OPCML: variants seen among roughly 807,000 people sequenced by gnomAD.
OPCML encodes opioid binding protein/cell adhesion molecule like.
OPCML carries 13 observed loss-of-function variants against 37.8 expected under a neutral mutation model. The observed-to-expected ratio is 0.34, with a 90% CI of 0.22 to 0.55. The LOEUF (loss-of-function observed/expected upper bound fraction) is 0.55, where lower values mean the gene tolerates loss of function less well. Among genes scored for constraint, OPCML ranks in the 20% least tolerant of loss-of-function variants. OPCML has a pLI of 0.91. For missense variants in OPCML, 341 were observed against 435.6 expected, an observed-to-expected ratio of 0.78 and a Z score of 1.93; for synonymous variants, 176 against 168.8, an observed-to-expected ratio of 1.04 and a Z score of -0.33.
intron 1 of OPCML, among the ~76,000 whole-genome samples, chr11:133,314,183 C>A (rs951959061): frequency 1.2e-4 from 16 of 128,302 alleles, no homozygotes; most frequent in African/African-American, 4.6e-4. Context: ...TGCAGTGAGC[C>A]GAGATCGCGC....
At chr11:132,945,830 T>C (rs1473586528) in intron 1 of OPCML, among the ~76,000 whole-genome samples, 3 of 152,240 alleles carry the variant, frequency 2.0e-5, no homozygotes, top group Non-Finnish European at 4.4e-5. Flanking sequence ...TCACCCAGGC[T>C]GGAGTGCAGT....
chr11:133,331,389 T>A (rs1456325189), intron 1 of OPCML, among the ~76,000 whole-genome samples: 3 of 152,098 alleles, frequency 2.0e-5, no homozygotes, highest in Admixed American at 1.3e-4. Context: ...TCTGGAGGAG[T>A]GTCGCCATTT....
chr11:133,202,398 A>G (rs1938837423), intron 1 of OPCML, among the ~76,000 whole-genome samples: 1 of 152,192 alleles, frequency 6.6e-6, no homozygotes, highest in Non-Finnish European at 1.5e-5. Flanking sequence ...AACTGGACTC[A>G]TGGCTTCTAT....
intron 1 of OPCML, among the ~76,000 whole-genome samples, chr11:133,193,319 C>A (rs1170454003): frequency 6.6e-6 from 1 of 152,186 alleles, no homozygotes; most frequent in Non-Finnish European, 1.5e-5. Context: ...TGAGTAAAAG[C>A]ATCTCCCGCA....
chr11:132,961,508 AAGG>A (rs1369803684), intron 1 of OPCML, among the ~76,000 whole-genome samples: 2 of 152,236 alleles, frequency 1.3e-5, no homozygotes, highest in Non-Finnish European at 2.9e-5. Flanking sequence ...TAGATGTAGC[AAGG>A]AGAAGAAAAG....
intron 3 of OPCML, among the ~76,000 whole-genome samples, chr11:132,540,445 G>C (rs2137363930): frequency 6.6e-6 from 1 of 152,248 alleles, no homozygotes; most frequent in African/African-American, 2.4e-5. Flanking sequence ...ATCCAGTGGG[G>C]CAGCCAGCAA....
chr11:133,305,444 A>G (rs1339911373), intron 1 of OPCML, among the ~76,000 whole-genome samples: 1 of 152,222 alleles, frequency 6.6e-6, no homozygotes, highest in African/African-American at 2.4e-5. Flanking sequence ...TCAAATAAAC[A>G]TATCATAAAA....
chr11:133,373,400 T>TA (rs1205857944), intron 1 of OPCML, among the ~76,000 whole-genome samples: 2 of 139,722 alleles, frequency 1.4e-5, no homozygotes, highest in African/African-American at 5.3e-5. Context: ...CTGTCTCTAC[T>TA]AAAAAAGTTA....
At chr11:133,088,995 G>A (rs1237539094) in intron 1 of OPCML, among the ~76,000 whole-genome samples, 1 of 152,194 alleles carries the variant, frequency 6.6e-6, no homozygotes, top group African/African-American at 2.4e-5. Context: ...AAGTAATGTA[G>A]TTTCTAGATG....
intron 1 of OPCML, among the ~76,000 whole-genome samples, chr11:133,481,629 C>G (rs1324417575): frequency 1.3e-5 from 2 of 151,978 alleles, no homozygotes; most frequent in Non-Finnish European, 2.9e-5. Flanking sequence ...AGGTTTTATT[C>G]CACTATGAAA....
intron 4 of OPCML, among the ~76,000 whole-genome samples, chr11:132,450,856 A>G (rs2096066710): frequency 1.3e-5 from 2 of 152,164 alleles, no homozygotes; most frequent in African/African-American, 4.8e-5. Context: ...TTGTTCTGTC[A>G]TTAGTTAAAA....
chr11:132,860,518 C>T (rs1272116186), intron 2 of OPCML: 1 of 152,098 alleles, frequency 6.6e-6, no homozygotes, highest in Non-Finnish European at 1.5e-5. Flanking sequence ...GCCTGTCCCC[C>T]GAAGGCCTGT....
In OPCML at chr11:132,623,375, C is replaced by CA. The variant is rs539434131; in HGVS notation, c.379+33711dup. 4.7e-3 allele frequency among the ~76,000 whole-genome samples: 708 copies of CA among 150,900 alleles called. 1 individual carries two copies. Among genetic ancestry groups the CA allele is most frequent in the Admixed American group, 8.4e-3 (127 of 15,130 alleles). ...AGAACTGGGACGTTAAAAACAACAA[C>CA]AAAAAAACAGAGCTGATTAATGACT... On this transcript the variant is annotated intron_variant, in intron 3 of 7. Coordinates refer to ENST00000524381, the MANE Select transcript of OPCML (RefSeq NM_001012393.5).
chr11:132,978,828 C>G (rs536036781), intron 1 of OPCML, among the ~76,000 whole-genome samples: 1 of 152,122 alleles, frequency 6.6e-6, no homozygotes, highest in Non-Finnish European at 1.5e-5. Flanking sequence ...CAGACATACA[C>G]ACACGTATAC....
At chr11:133,009,512 A>G (rs893990751) in intron 1 of OPCML, among the ~76,000 whole-genome samples, 11 of 152,240 alleles carry the variant, frequency 7.2e-5, no homozygotes, top group African/African-American at 2.7e-4. Context: ...TAGTATTCAG[A>G]CCAAGTGAAA....
At chr11:133,322,052 T>A (rs1023757943) in intron 1 of OPCML, among the ~76,000 whole-genome samples, 1 of 152,166 alleles carries the variant, frequency 6.6e-6, no homozygotes, top group Non-Finnish European at 1.5e-5. Flanking sequence ...AACTTTCAAT[T>A]ATTCATTCAA....
intron 1 of OPCML, among the ~76,000 whole-genome samples, chr11:133,143,749 A>T (rs1483781974): frequency 6.6e-6 from 1 of 152,314 alleles, no homozygotes; most frequent in African/African-American, 2.4e-5. Flanking sequence ...TAACCTCTCA[A>T]CTAGAAGCCA....
At chr11:133,274,911 G>T (rs1041593380) in intron 1 of OPCML, among the ~76,000 whole-genome samples, 1 of 152,206 alleles carries the variant, frequency 6.6e-6, no homozygotes, top group African/African-American at 2.4e-5. Context: ...CGTTTCTCAG[G>T]AATCCCGGGT....
intron 4 of OPCML, among the ~76,000 whole-genome samples, chr11:132,469,970 T>C (rs2096132782): frequency 6.7e-6 from 1 of 150,126 alleles, no homozygotes; most frequent in African/African-American, 2.5e-5. Flanking sequence ...TGTGTGTTTG[T>C]GGTGGGGGAT....
Sources: allele counts gnomAD v4.1 joint callset (sites outside exome capture counted in the v4.1 genomes callset), GRCh38; gene constraint gnomAD v4.1.1; transcripts MANE v1.5; gene names NCBI Gene and HGNC (gene_info 2026-07-23, HGNC 2026-07-21).